Variants in PPFIBP2 observed in about 807,000 individuals in gnomAD.
PPFIBP2 encodes liprin-beta-2.
PPFIBP2 carries 118 observed loss-of-function variants against 118.3 expected under a neutral mutation model. The observed-to-expected ratio is 1.00, with a 90% CI of 0.86 to 1.16. The LOEUF (loss-of-function observed/expected upper bound fraction) is 1.16. PPFIBP2 is among the 50% of genes most tolerant of loss of function. PPFIBP2 has a pLI of 0.00. For synonymous variants in PPFIBP2, 414 were observed against 397.4 expected, an observed-to-expected ratio of 1.04 and a Z score of -0.50; for missense variants, 1,195 against 1,073.1, an observed-to-expected ratio of 1.11 and a Z score of -1.59.
chr11:7,615,382 G>T (rs1455611745), intron 6 of PPFIBP2, among the ~76,000 whole-genome samples: 1 of 150,412 alleles, frequency 6.6e-6, no homozygotes, highest in African/African-American at 2.4e-5. Flanking sequence ...GAAATGCCAA[G>T]CCTGTGGACA....
intron 5 of PPFIBP2, among the ~76,000 whole-genome samples, chr11:7,603,816 C>T (rs926692667): frequency 6.6e-6 from 1 of 151,972 alleles, no homozygotes; most frequent in Non-Finnish European, 1.5e-5. Flanking sequence ...CCTTTATTAC[C>T]CAGTTTCATG....
intron 14 of PPFIBP2, among the ~76,000 whole-genome samples, chr11:7,639,314 A>ATATG (rs1385989352): frequency 6.6e-6 from 1 of 152,198 alleles, no homozygotes; most frequent in African/African-American, 2.4e-5. Flanking sequence ...TTTTACATAT[A>ATATG]TATGTATGTA....
At chr11:7,665,883 G>A in the PPFIBP2 span, 1 of 1,536,064 alleles carries the variant, frequency 6.5e-7, no homozygotes, top group African/African-American at 1.4e-5. Context: ...GTGGCCTGGT[G>A]TTAGTGGAAC....
intron 3 of PPFIBP2, among the ~76,000 whole-genome samples, chr11:7,570,272 T>C (rs1241311806): frequency 2.0e-5 from 3 of 151,954 alleles, no homozygotes; most frequent in Non-Finnish European, 4.4e-5. Flanking sequence ...CTGGGAGGAG[T>C]AGACCTAGGC....
Position 7,596,371 on chromosome 11 carries a change from TAGAA to T in PPFIBP2, c.373-1185_373-1182del, listed in dbSNP as rs535341140. Among the ~76,000 whole-genome samples the T allele has an allele frequency of 1.6e-3, 232 of 149,452 alleles. 2 individuals are homozygous for T. The highest frequency in any genetic ancestry group is 2.4e-3 in the Non-Finnish European group (161 of 67,614). On this transcript the variant is annotated intron_variant, in intron 4 of 23. Transcript: ENST00000299492. ...TTGCGTGTAAGGTGGACCAAGTTGA[TAGAA>T]AGAGCCCGTTCTTGTTTTTTTTTTT...
downstream of PPFIBP2, chr11:7,656,878 C>G (rs1854739230): frequency 8.5e-6 from 9 of 1,062,278 alleles, no homozygotes; most frequent in African/African-American, 1.6e-5. Flanking sequence ...GGGCACACAG[C>G]CCCCTCTGCA....
intron 14 of PPFIBP2, among the ~76,000 whole-genome samples, chr11:7,638,647 A>C (rs887116688): frequency 3.3e-5 from 5 of 152,094 alleles, no homozygotes; most frequent in Non-Finnish European, 7.4e-5. Flanking sequence ...TTTGTTTTTT[A>C]TATTACTTTC....
chr11:7,662,797 G>C, the PPFIBP2 span, among the ~76,000 whole-genome samples: 2 of 151,824 alleles, frequency 1.3e-5, no homozygotes, highest in Non-Finnish European at 2.9e-5. Flanking sequence ...ATCAGACATA[G>C]ATTTGGTCTT....
At chr11:7,594,397 C>T (rs1241827213) in intron 4 of PPFIBP2, among the ~76,000 whole-genome samples, 2 of 152,116 alleles carry the variant, frequency 1.3e-5, no homozygotes, top group African/African-American at 4.8e-5. Context: ...AATTGGGTAT[C>T]TACAACTTGT....
downstream of PPFIBP2, among the ~76,000 whole-genome samples, chr11:7,657,431 TCCCCAACA>T (rs554560705): frequency 1.9e-3 from 294 of 152,106 alleles, 2 homozygotes; most frequent in African/African-American, 6.7e-3. Flanking sequence ...AGCAGAGGCG[TCCCCAACA>T]CGTGCACACC....
downstream of PPFIBP2, among the ~76,000 whole-genome samples, chr11:7,658,850 G>A: frequency 1.0e-5 from 1 of 99,924 alleles, no homozygotes; most frequent in East Asian, 2.7e-4. Context: ...TAACTGGTGT[G>A]AGATGGTATC....
rs1442033422 is a variant in PPFIBP2 at position 7,648,482 on chromosome 11, A to C, written c.1742A>C (p.Gln581Pro). Residue 581 changes from glutamine to proline, a missense_variant, in exon 18 of 24, where the codon CAG (glutamine) becomes CCG (proline). Coordinates refer to ENST00000299492, the MANE Select transcript of PPFIBP2 (RefSeq NM_003621.5). ...GLAQYVIFARQWVSSGHTLLT... is the reference protein window; with the variant it reads ...GLAQYVIFARPWVSSGHTLLT... ...GCTCAGTATGTGATCTTTGCCAGGC[A>C]GTGGGTATCTTCTGGCCACACCTTA... 2 of 1,614,102 alleles carry C rather than the reference A, an allele frequency of 1.2e-6. No homozygotes were observed. The highest frequency in any genetic ancestry group is 2.2e-5 in the South Asian group (2 of 91,070).
intron 5 of PPFIBP2, among the ~76,000 whole-genome samples, chr11:7,608,065 A>G (rs1847610514): frequency 6.6e-6 from 1 of 152,182 alleles, no homozygotes; most frequent in Middle Eastern, 3.2e-3. Context: ...TCAGAGACTC[A>G]GATAACTTAT....
intron 17 of PPFIBP2, among the ~76,000 whole-genome samples, chr11:7,644,292 T>C (rs1046280368): frequency 6.6e-6 from 1 of 152,246 alleles, no homozygotes; most frequent in African/African-American, 2.4e-5. Context: ...ACTTTGTGAA[T>C]TCTTTCATCA....
At chr11:7,597,178 C>T (rs928423811) in intron 4 of PPFIBP2, 3 of 1,467,560 alleles carry the variant, frequency 2.0e-6, no homozygotes, top group Non-Finnish European at 2.7e-6. Flanking sequence ...ACCGCTCTTC[C>T]ACACGAGGTT....
chr11:7,517,234 T>A (rs1849305668), intron 1 of PPFIBP2, among the ~76,000 whole-genome samples: 1 of 151,948 alleles, frequency 6.6e-6, no homozygotes, highest in Non-Finnish European at 1.5e-5. Flanking sequence ...GCTGCTAGAG[T>A]GAGAGCTCGA....
intron 3 of PPFIBP2, among the ~76,000 whole-genome samples, chr11:7,587,541 G>C (rs1403336014): frequency 6.6e-6 from 1 of 152,236 alleles, no homozygotes; most frequent in Non-Finnish European, 1.5e-5. Context: ...GGAACCAACA[G>C]GAAGGGCTGG....
At chr11:7,561,038 C>T (rs1328416269) in intron 2 of PPFIBP2, among the ~76,000 whole-genome samples, 1 of 151,972 alleles carries the variant, frequency 6.6e-6, no homozygotes, top group Non-Finnish European at 1.5e-5. Context: ...GAAGGCTATA[C>T]TGAGCTTTTG....
the PPFIBP2 span, among the ~76,000 whole-genome samples, chr11:7,663,746 C>A: frequency 1.3e-5 from 2 of 152,238 alleles, no homozygotes; most frequent in Non-Finnish European, 2.9e-5. Context: ...CCTCCCCCAG[C>A]CTCGCTGCTG....
Sources: gnomAD v4.1 joint callset for allele counts (sites outside exome capture counted in the v4.1 genomes callset) on GRCh38, gnomAD v4.1.1 for gene constraint, MANE v1.5 for transcripts, NCBI Gene and HGNC (gene_info 2026-07-23, HGNC 2026-07-21) for gene names.